DAP: variants seen among roughly 807,000 people sequenced by gnomAD.
DAP encodes the protein death associated protein, also known as death-associated protein 1.
A neutral mutation model predicts 13.8 loss-of-function variants in DAP; 8 were observed. That is an observed-to-expected ratio of 0.58 (90% CI 0.34 to 1.05). The LOEUF (loss-of-function observed/expected upper bound fraction) is 1.05, where lower values mean the gene tolerates loss of function less well. Ranked by LOEUF, DAP falls within the 50% of genes least tolerant of loss-of-function variation. The probability of loss-of-function intolerance (pLI) is 0.03; values close to 1 mark genes in which losing one functional copy is unlikely to be tolerated. For missense variants in DAP, 106 were observed against 133.2 expected, an observed-to-expected ratio of 0.80 and a Z score of 1.01; for synonymous variants, 47 against 47.5, an observed-to-expected ratio of 0.99 and a Z score of 0.04.
rs1261338505 is a variant in DAP at position 10,683,510 on chromosome 5, C to T, written c.195+19G>A. 1.2e-6 allele frequency: 2 copies of T among 1,613,804 alleles called. No homozygotes were observed. The highest frequency in any genetic ancestry group is 2.2e-5 in the East Asian group (1 of 44,868). On this transcript the variant is annotated intron_variant, in intron 3 of 3. Transcript: ENST00000230895. ...CCATGCAAAAGCCTCAAACCCACCGCAGACACTCCCAGACTTACCCGGGCG... is the reference window on the plus strand; with the variant it reads ...CCATGCAAAAGCCTCAAACCCACCGTAGACACTCCCAGACTTACCCGGGCG...
chr5:10,752,295 A>G (rs112264645), intron 1 of DAP, among the ~76,000 whole-genome samples: 1 of 152,258 alleles, frequency 6.6e-6, no homozygotes, highest in African/African-American at 2.4e-5. Flanking sequence ...AGTGGCAATA[A>G]TAACAATAAT....
At chr5:10,699,762 G>A (rs1738520584) in intron 2 of DAP, among the ~76,000 whole-genome samples, 1 of 109,302 alleles carries the variant, frequency 9.1e-6, no homozygotes, top group Non-Finnish European at 1.7e-5. Flanking sequence ...GGAAGCAAGG[G>A]GAATTCCAGA....
intron 2 of DAP, 131 bp from the exon 3 acceptor site, chr5:10,683,702 C>T (rs561811749): frequency 3.9e-4 from 316 of 808,704 alleles, no homozygotes; most frequent in Non-Finnish European, 6.2e-4. Context: ...AACCTCTCCT[C>T]TGCGTTATTT....
At chr5:10,748,426 C>T (rs1298356757) in intron 1 of DAP, among the ~76,000 whole-genome samples, 155 bp from the exon 2 acceptor site, 2 of 152,126 alleles carry the variant, frequency 1.3e-5, no homozygotes, top group Non-Finnish European at 2.9e-5. Flanking sequence ...TCAGGGTTGT[C>T]GGGGTAAATT....
intron 2 of DAP, among the ~76,000 whole-genome samples, chr5:10,708,750 T>C (rs1362218826): frequency 6.6e-6 from 1 of 152,216 alleles, no homozygotes; most frequent in Non-Finnish European, 1.5e-5. Flanking sequence ...CAGGCCCATA[T>C]AGGAATGCGT....
At chr5:10,726,873 A>G (rs1487090938) in intron 2 of DAP, among the ~76,000 whole-genome samples, 2 of 152,212 alleles carry the variant, frequency 1.3e-5, no homozygotes, top group Non-Finnish European at 2.9e-5. Flanking sequence ...CAGTCCCCAC[A>G]GTGATGTGAC....
At chr5:10,721,180 ATATATGT>A (rs1174903231) in intron 2 of DAP, among the ~76,000 whole-genome samples, 1 of 152,168 alleles carries the variant, frequency 6.6e-6, no homozygotes, top group East Asian at 1.9e-4. Context: ...TCAGCCTCCA[ATATATGT>A]TACTGTTTCT....
chr5:10,730,392 A>G (rs1266177439), intron 2 of DAP, among the ~76,000 whole-genome samples: 3 of 152,188 alleles, frequency 2.0e-5, no homozygotes, highest in Non-Finnish European at 4.4e-5. Flanking sequence ...CTACTACAAG[A>G]GTGGGGGACT....
At chr5:10,723,656 A>G (rs1739214029) in intron 2 of DAP, among the ~76,000 whole-genome samples, 1 of 152,262 alleles carries the variant, frequency 6.6e-6, no homozygotes. Flanking sequence ...ACAGTCACTA[A>G]TTAACACATA....
rs1740295020 is a variant in DAP at position 10,759,849 on chromosome 5, G to C, written c.55+1165C>G. On this transcript the variant is annotated intron_variant, in intron 1 of 3. Coordinates refer to ENST00000230895, the MANE Select transcript of DAP (RefSeq NM_004394.3). ...GGCTCACTACAACTTCTGCCTCCCG[G>C]GTTCAAGCCATTCTCCTGCCTCGGC... 2.1e-5 allele frequency among the ~76,000 whole-genome samples: 3 copies of C among 140,780 alleles called. No individual in the cohort carries two copies. In the South Asian group the frequency reaches 6.8e-4, roughly 32 times the overall value. 92.4% of individuals were successfully genotyped at this position (140,780 alleles called of 152,430 possible).
intron 2 of DAP, among the ~76,000 whole-genome samples, chr5:10,706,356 A>C (rs778260965): frequency 1.4e-4 from 21 of 152,220 alleles, no homozygotes; most frequent in Non-Finnish European, 3.1e-4. Flanking sequence ...TAATAATCAC[A>C]GTTTACAGAT....
intron 2 of DAP, among the ~76,000 whole-genome samples, chr5:10,731,252 G>T (rs1242639316): frequency 6.8e-6 from 1 of 147,230 alleles, no homozygotes; most frequent in Non-Finnish European, 1.5e-5. Flanking sequence ...TTTCTGTACT[G>T]AGAGCCCTGG....
At chr5:10,700,839 G>A (rs1354357722) in intron 2 of DAP, among the ~76,000 whole-genome samples, 2 of 152,222 alleles carry the variant, frequency 1.3e-5, no homozygotes, top group Non-Finnish European at 2.9e-5. Flanking sequence ...TCTGGGTCAC[G>A]TGCTATAGGT....
intron 2 of DAP, among the ~76,000 whole-genome samples, chr5:10,744,304 G>T (rs368585384): frequency 6.6e-6 from 1 of 152,150 alleles, no homozygotes; most frequent in Admixed American, 6.5e-5. Flanking sequence ...AAAACTTTAG[G>T]ATCAGGGTAA....
intron 2 of DAP, among the ~76,000 whole-genome samples, chr5:10,695,531 T>C (rs1026501232): frequency 1.3e-5 from 2 of 152,258 alleles, no homozygotes; most frequent in Non-Finnish European, 2.9e-5. Flanking sequence ...GAGGTGCTTT[T>C]CTAGGTGAGA....
intron 2 of DAP, among the ~76,000 whole-genome samples, chr5:10,725,640 C>T (rs1195897942): frequency 6.6e-6 from 1 of 152,218 alleles, no homozygotes; most frequent in East Asian, 1.9e-4. Context: ...TAATACAATC[C>T]TAGTGCTGAA....
chr5:10,697,788 A>G (rs1462141735), intron 2 of DAP, among the ~76,000 whole-genome samples: 5 of 152,200 alleles, frequency 3.3e-5, no homozygotes, highest in African/African-American at 1.2e-4. Flanking sequence ...GTCTGAGTCT[A>G]CTTCCATCTC....
At chr5:10,686,138 G>A (rs1000197223) in intron 2 of DAP, among the ~76,000 whole-genome samples, 3 of 152,188 alleles carry the variant, frequency 2.0e-5, no homozygotes, top group Non-Finnish European at 2.9e-5. Flanking sequence ...ACCACGAACC[G>A]TGCCCATATA....
chr5:10,738,277 A>T (rs903145145), intron 2 of DAP, among the ~76,000 whole-genome samples: 13 of 152,278 alleles, frequency 8.5e-5, no homozygotes, highest in African/African-American at 2.9e-4. Flanking sequence ...AGCAGGCAAA[A>T]GTTTGATGAG....
Sources: allele counts gnomAD v4.1 joint callset (sites outside exome capture counted in the v4.1 genomes callset), GRCh38; gene constraint gnomAD v4.1.1; transcripts MANE v1.5; gene names NCBI Gene and HGNC (gene_info 2026-07-23, HGNC 2026-07-21).